The following ABCA13 variants were observed in gnomAD, a reference collection of about 807,000 sequenced individuals.
ABCA13 encodes the protein ATP-binding cassette sub-family A member 13.
ABCA13 carries 476 observed loss-of-function variants against 478.7 expected under a neutral mutation model. The ratio of observed to expected loss-of-function variants is 0.99; its 90% CI spans 0.92 to 1.07. The LOEUF (loss-of-function observed/expected upper bound fraction) is 1.07. Ranked by LOEUF, ABCA13 falls within the 50% of genes least tolerant of loss-of-function variation. ABCA13 has a pLI of 0.00. For missense variants in ABCA13, 6,060 were observed against 5,910.6 expected (o/e 1.03, Z -0.83); for synonymous variants, 2,252 against 2,158.9 (o/e 1.04, Z -1.20).
intron 59 of ABCA13, among the ~76,000 whole-genome samples, chr7:48,633,081 G>A (rs1794293576): frequency 6.6e-6 from 1 of 152,032 alleles, no homozygotes; most frequent in Non-Finnish European, 1.5e-5. Flanking sequence ...TAAATTAATT[G>A]TCATCAACAT....
chr7:48,546,934 T>C (rs1018853707), intron 55 of ABCA13, among the ~76,000 whole-genome samples: 25 of 151,906 alleles, frequency 1.6e-4, no homozygotes, highest in South Asian at 6.2e-4. Flanking sequence ...AGCAACTAGT[T>C]GACAATTTAA....
intron 29 of ABCA13, among the ~76,000 whole-genome samples, chr7:48,343,052 C>T (rs1037886160): frequency 6.6e-6 from 1 of 151,290 alleles, no homozygotes; most frequent in East Asian, 1.9e-4. Flanking sequence ...TGTTTGTGAG[C>T]TTTAATACTT....
At position 48,278,635 on chromosome 7, in the gene ABCA13, G is replaced by A; in HGVS notation, c.7441G>A (p.Ala2481Thr). 1 of 1,613,604 alleles carries A rather than the reference G, an allele frequency of 6.2e-7. No individual in the cohort carries two copies. Among genetic ancestry groups the A allele is most frequent in the Non-Finnish European group, 8.5e-7 (1 of 1,179,566 alleles). ...AGAAATTACTAAGAGATTAGTTGGT[G>A]CTATTTCAAGAGCAAGTGAAGAAAG... ...TLEITKRLVG[A>T]ISRASEESHV... Residue 2481 changes from alanine (A) to threonine (T), a missense_variant, in exon 18 of 62, where the codon GCT (alanine) becomes ACT (threonine). Around this residue, in one of 3 missense-constraint regions of ABCA13, gnomAD observed 4,423 missense variants for 4,309.1 expected, o/e 1.03. Coordinates refer to ENST00000435803, the MANE Select transcript of ABCA13 (RefSeq NM_152701.5).
chr7:48,258,820 A>G (rs1195523817), intron 15 of ABCA13, among the ~76,000 whole-genome samples: 1 of 152,060 alleles, frequency 6.6e-6, no homozygotes, highest in Non-Finnish European at 1.5e-5. Flanking sequence ...CTTTGTTCTC[A>G]TTAGTTTTCT....
At chr7:48,348,617 ATG>A (rs369516987) in intron 29 of ABCA13, among the ~76,000 whole-genome samples, 163 of 152,270 alleles carry the variant, frequency 1.1e-3, no homozygotes, top group African/African-American at 3.7e-3. Context: ...TTTCTATGAG[ATG>A]TGTGTGTGAG....
chr7:48,350,881 G>A (rs1444375699), intron 30 of ABCA13, 62 bp downstream of exon 30: 23 of 1,531,844 alleles, frequency 1.5e-5, no homozygotes, highest in African/African-American at 4.1e-5. Flanking sequence ...TGTCATTTTG[G>A]GAGTTTCTCC....
intron 55 of ABCA13, among the ~76,000 whole-genome samples, chr7:48,539,498 GAC>G (rs1432916505): frequency 7.2e-5 from 11 of 152,090 alleles, no homozygotes; most frequent in Non-Finnish European, 1.3e-4. Context: ...CAGGAAAAGA[GAC>G]AGAATTTATT....
At chr7:48,552,829 A>G (rs1785457172) in intron 55 of ABCA13, among the ~76,000 whole-genome samples, 1 of 151,658 alleles carries the variant, frequency 6.6e-6, no homozygotes, top group Admixed American at 6.6e-5. Flanking sequence ...TGTTATAACA[A>G]TCCAATTATA....
chr7:48,396,523 G>A (rs73325724), intron 38 of ABCA13, among the ~76,000 whole-genome samples: 2,401 of 152,258 alleles, frequency 0.016, 73 homozygotes, highest in African/African-American at 0.056. Context: ...CAGATGCAAA[G>A]TGCCTTCTGC....
chr7:48,462,457 T>A lies in ABCA13; in HGVS notation c.12816-4499T>A, dbSNP rs149539975. Among the ~76,000 whole-genome samples, 520 of 150,906 alleles carry A rather than the reference T, an allele frequency of 3.4e-3. 2 individuals carry two copies. Among genetic ancestry groups the A allele is most frequent in the Non-Finnish European group, 6.0e-3 (407 of 67,774 alleles). ...GAGTAAAGGATTCCCCCCCCCCTACTGTTTCCTTATCAAAACTGCAGATTT... is the reference window on the plus strand; with the variant it reads ...GAGTAAAGGATTCCCCCCCCCCTACAGTTTCCTTATCAAAACTGCAGATTT... On this transcript the variant is annotated intron_variant, in intron 43 of 61. Transcript: ENST00000435803.
Position 48,483,161 on chromosome 7 carries a change from A to C in ABCA13, c.13180A>C (p.Lys4394Gln). 6.2e-7 allele frequency: 1 copy of C among 1,609,222 alleles called. No individual in the cohort carries two copies. Among genetic ancestry groups the C allele is most frequent in the South Asian group, 1.1e-5 (1 of 90,216 alleles). ...GNISKPPTLA[K>Q]VWYNQKGFHS... is the part of the protein sequence containing the mutation. ...CATATCAAAACCCCCAACTCTGGCA[A>C]AGGTAATCATATTTTTTTATTTTTT... is the stretch of plus-strand genomic sequence containing the variant. The change falls in exon 47 of 62, where the codon AAG (lysine) becomes CAG (glutamine). Residue 4394 changes from lysine (K) to glutamine (Q), a missense_variant and splice_region_variant. By Grantham distance (53) the Lys-to-Gln change is moderately conservative. Coordinates refer to ENST00000435803, the MANE Select transcript of ABCA13 (RefSeq NM_152701.5).
At chr7:48,550,265 C>CTTTTTTTTTTTTTT in intron 55 of ABCA13, among the ~76,000 whole-genome samples, 1 of 148,328 alleles carries the variant, frequency 6.7e-6, no homozygotes, top group South Asian at 2.1e-4. Context: ...CTCTATTTTT[C>CTTTTTTTTTTTTTT]TTTTTTTTGG....
chr7:48,389,310 C>CT (rs34452602), intron 37 of ABCA13, 90 bp downstream of exon 37: 209 of 1,428,392 alleles, frequency 1.5e-4, no homozygotes, highest in Non-Finnish European at 1.8e-4. Context: ...ATTTCTTTTC[C>CT]TTTTTTTAAA....
rs755951418 is a variant in ABCA13 at position 48,297,259 on chromosome 7, G to T, written c.9147G>T (p.Trp3049Cys). 3.7e-6 allele frequency: 6 copies of T among 1,608,248 alleles called. No homozygotes were observed. The highest frequency in any genetic ancestry group is 1.7e-5 in the Admixed American group (1 of 59,412). Residue 3049 changes from tryptophan to cysteine, a missense_variant, in exon 22 of 62, where the codon TGG becomes TGT. This residue lies in a region of ABCA13 where 4,423 missense variants were observed against 4,309.1 expected (regional missense o/e 1.03). Coordinates refer to ENST00000435803, the MANE Select transcript of ABCA13 (RefSeq NM_152701.5). ...YMLAKSLEET[W>C]SSGNPIMTFL... ...TGGCCAAAAGCCTCGAGGAAACTTG[G>T]TCATCAGGGAATCCCATCATGACTT...
chr7:48,281,303 T>A (rs1342670948), intron 18 of ABCA13, 40 bp from the exon 19 acceptor site: 6 of 1,535,868 alleles, frequency 3.9e-6, no homozygotes. Context: ...GGTTGCACAT[T>A]TTTACCCTTT....
chr7:48,524,209 T>C, intron 53 of ABCA13, 39 bp from the exon 54 acceptor site: 1 of 1,574,620 alleles, frequency 6.4e-7, no homozygotes, highest in South Asian at 1.2e-5. Flanking sequence ...TCTGGTATCA[T>C]TTGCTAGGTG....
At chr7:48,265,536 C>T (rs533955724) in intron 15 of ABCA13, among the ~76,000 whole-genome samples, 3 of 151,432 alleles carry the variant, frequency 2.0e-5, no homozygotes, top group African/African-American at 4.8e-5. Flanking sequence ...ACTTTAAATG[C>T]TTTTGTAAAT....
intron 58 of ABCA13, among the ~76,000 whole-genome samples, chr7:48,610,873 G>A (rs1184348916): frequency 6.6e-6 from 1 of 152,202 alleles, no homozygotes; most frequent in Admixed American, 6.5e-5. Context: ...CAGGGCAGTG[G>A]GGCCCTGGGC....
chr7:48,246,463 G>A (rs548931060), intron 13 of ABCA13, among the ~76,000 whole-genome samples: 7 of 152,270 alleles, frequency 4.6e-5, no homozygotes, highest in South Asian at 2.1e-4. Flanking sequence ...CCTGTTCAGC[G>A]CTCAAGTGGG....
Sources: allele counts gnomAD v4.1 joint callset (sites outside exome capture counted in the v4.1 genomes callset), GRCh38; gene constraint gnomAD v4.1.1; regional missense constraint gnomAD v4.1.1; transcripts MANE v1.5; gene names NCBI Gene and HGNC (gene_info 2026-07-23, HGNC 2026-07-21).